Variants in LARS1 observed in about 807,000 individuals in gnomAD.
LARS1 encodes leucyl-tRNA synthetase 1.
In LARS1, 100 loss-of-function variants were observed where a neutral mutation model predicts 162.8. The ratio of observed to expected loss-of-function variants is 0.61; its 90% CI spans 0.52 to 0.73. The LOEUF is 0.73. LARS1 is among the 30% of genes least tolerant of loss of function. The pLI, the probability that LARS1 is intolerant of heterozygous loss-of-function variation, is 0.00. For missense variants in LARS1, 1,258 were observed against 1,408.9 expected (o/e 0.89, Z 1.71); for synonymous variants, 457 against 462.8 (o/e 0.99, Z 0.16).
At chr5:146,159,334 G>A in intron 8 of LARS1, 73 bp downstream of exon 8, 1 of 1,217,554 alleles carries the variant, frequency 8.2e-7, no homozygotes, top group Non-Finnish European at 1.2e-6. Flanking sequence ...GTTATTTTTA[G>A]GTTTCTATTT....
chr5:146,177,784 G>A (rs1754663711), intron 1 of LARS1, 119 bp from the exon 2 acceptor site: 3 of 459,674 alleles, frequency 6.5e-6, no homozygotes, highest in African/African-American at 6.2e-5. Flanking sequence ...TGGTTATCTT[G>A]AAATTTAAAT....
intron 13 of LARS1, among the ~76,000 whole-genome samples, chr5:146,152,668 G>GT (rs1310368400): frequency 6.6e-6 from 1 of 152,174 alleles, no homozygotes; most frequent in African/African-American, 2.4e-5. Context: ...GCCTGCTGAT[G>GT]TAAACAACTA....
At chr5:146,140,390 T>C (rs574217243) in intron 20 of LARS1, 129 bp from the exon 21 acceptor site, 580 of 664,158 alleles carry the variant, frequency 8.7e-4, no homozygotes, top group Non-Finnish European at 1.3e-3. Flanking sequence ...ATATACACTA[T>C]AGTCCTTTTT....
intron 22 of LARS1, among the ~76,000 whole-genome samples, chr5:146,135,078 A>G (rs1265944472): frequency 1.3e-5 from 2 of 151,912 alleles, no homozygotes; most frequent in East Asian, 1.9e-4. Context: ...ATCTCAGCCC[A>G]CTGCAACCTC....
intron 4 of LARS1, among the ~76,000 whole-genome samples, chr5:146,170,465 G>A (rs1166568671): frequency 5.8e-5 from 8 of 138,450 alleles, no homozygotes; most frequent in African/African-American, 1.0e-4. Flanking sequence ...GCAAGATTCC[G>A]TCTCAAAAAA....
chr5:146,134,102 C>T (rs150521832), intron 22 of LARS1, among the ~76,000 whole-genome samples: 2 of 152,256 alleles, frequency 1.3e-5, no homozygotes, highest in Admixed American at 1.3e-4. Flanking sequence ...CCTCAGCCTC[C>T]CAAAGTGCTG....
intron 29 of LARS1, among the ~76,000 whole-genome samples, chr5:146,123,369 T>G (rs1751910364): frequency 6.6e-6 from 1 of 151,858 alleles, no homozygotes; most frequent in Non-Finnish European, 1.5e-5. Flanking sequence ...GCACAAAGAT[T>G]GGATGGGGAG....
chr5:146,162,003 C>T (rs942963564), intron 6 of LARS1, among the ~76,000 whole-genome samples: 6 of 152,160 alleles, frequency 3.9e-5, no homozygotes, highest in Non-Finnish European at 5.9e-5. Flanking sequence ...AATTCTAGTT[C>T]TCTTGCAATT....
chr5:146,176,930 GA>G (rs375796847), intron 2 of LARS1, among the ~76,000 whole-genome samples: 7 of 151,606 alleles, frequency 4.6e-5, no homozygotes, highest in African/African-American at 7.3e-5. Flanking sequence ...AGTCAGCAAA[GA>G]AAAAAATCTC....
In LARS1 at chr5:146,149,662, T is replaced by C; in HGVS notation, c.1463A>G (p.Gln488Arg). ...LVDGFKGQKVQDVKKTIQKKM... is the reference protein window; with the variant it reads ...LVDGFKGQKVRDVKKTIQKKM... ...TTTCTGAATAGTCTTCTTTACATCT[T>C]GAACCTTCTGTCCTTTAAATCCATC... Residue 488 changes from glutamine (Q) to arginine (R), a missense_variant, in exon 15 of 32, where the codon CAA (glutamine) becomes CGA (arginine). Physicochemically the swap from Gln to Arg is conservative, Grantham distance 43 (BLOSUM62 1). Transcript: ENST00000394434. 1 of 1,613,222 alleles carries C rather than the reference T, an allele frequency of 6.2e-7. No homozygotes were observed. The highest frequency in any genetic ancestry group is 8.5e-7 in the Non-Finnish European group (1 of 1,179,250).
rs755259266 is a variant in LARS1 at position 146,182,523 on chromosome 5, C to A, written c.-30G>T. On this transcript the variant is annotated 5_prime_UTR_variant, in exon 1 of 32. Transcript: ENST00000394434. ...CCGCCCAGCCGACTGTGCAAATCCA[C>A]GACAATGACCCTGGCGACCTCCACA... 6.2e-7 allele frequency: 1 copy of A among 1,613,934 alleles called. No individual in the cohort carries two copies. The highest frequency in any genetic ancestry group is 8.5e-7 in the Non-Finnish European group (1 of 1,179,908).
At chr5:146,178,455 A>C (rs1327989093) in intron 1 of LARS1, among the ~76,000 whole-genome samples, 1 of 151,972 alleles carries the variant, frequency 6.6e-6, no homozygotes, top group African/African-American at 2.4e-5. Context: ...CTCTACTAAA[A>C]ATACAAAAAT....
At chr5:146,165,347 C>A (rs1433375354) in intron 5 of LARS1, among the ~76,000 whole-genome samples, 1 of 151,132 alleles carries the variant, frequency 6.6e-6, no homozygotes, top group African/African-American at 2.4e-5. Flanking sequence ...ACAACAACAA[C>A]AACAATAATA....
chr5:146,151,776 G>A (rs1288564280), intron 14 of LARS1, 86 bp downstream of exon 14: 1 of 1,240,368 alleles, frequency 8.1e-7, no homozygotes, highest in Non-Finnish European at 1.1e-6. Flanking sequence ...CTGAAACTAT[G>A]TTAAATTTTT....
Position 146,113,584 on chromosome 5 carries a change from T to C in LARS1, c.*522A>G, listed in dbSNP as rs900185661. The C allele has an allele frequency of 6.5e-6, 1 of 152,884 alleles. No homozygotes were observed. Among genetic ancestry groups the C allele is most frequent in the African/African-American group, 2.4e-5 (1 of 41,446 alleles). 9.5% of individuals were successfully genotyped at this position (152,884 alleles called of 1,614,324 possible). On this transcript the variant is annotated 3_prime_UTR_variant, in exon 32 of 32. Transcript: ENST00000394434. ...TAAAATGCAGGACCTATTTGTTCTT[T>C]ATACAAAATACTTAGTAATTGAAGT... is the stretch of plus-strand genomic sequence containing the variant.
chr5:146,173,009 T>G (rs1296105315), intron 2 of LARS1, among the ~76,000 whole-genome samples: 5 of 152,194 alleles, frequency 3.3e-5, no homozygotes, highest in Non-Finnish European at 7.3e-5. Context: ...AATAGCCTTG[T>G]AACAAATACT....
At chr5:146,179,077 CA>C (rs1366980582) in intron 1 of LARS1, among the ~76,000 whole-genome samples, 1 of 151,998 alleles carries the variant, frequency 6.6e-6, no homozygotes, top group Non-Finnish European at 1.5e-5. Context: ...ACTAAAAATA[CA>C]AAAATTAGCC....
At chr5:146,124,613 G>A (rs2126390620) in intron 28 of LARS1, among the ~76,000 whole-genome samples, 1 of 151,844 alleles carries the variant, frequency 6.6e-6, no homozygotes. Context: ...ACTCAAACAT[G>A]GCATGTAAAA....
intron 30 of LARS1, among the ~76,000 whole-genome samples, chr5:146,120,784 A>G (rs778832758): frequency 6.6e-6 from 1 of 152,154 alleles, no homozygotes; most frequent in Non-Finnish European, 1.5e-5. Flanking sequence ...CTGAATCTCT[A>G]CTATGTATTA....
Sources: gnomAD v4.1 joint callset for allele counts (sites outside exome capture counted in the v4.1 genomes callset) on GRCh38, gnomAD v4.1.1 for gene constraint, MANE v1.5 for transcripts, NCBI Gene and HGNC (gene_info 2026-07-23, HGNC 2026-07-21) for gene names.